Variants in TRABD2B observed in about 807,000 individuals in gnomAD.
TRABD2B encodes the protein TraB domain containing 2B.
Under a neutral mutation model 40.1 loss-of-function variants are expected in TRABD2B, and 14 were observed. The ratio of observed to expected loss-of-function variants is 0.35; its 90% CI spans 0.23 to 0.55. The LOEUF is 0.55. Among genes scored for constraint, TRABD2B ranks in the 20% least tolerant of loss-of-function variants. The pLI is 0.90. For missense variants in TRABD2B, 541 were observed against 648.6 expected (o/e 0.83, Z 1.80); for synonymous variants, 263 against 277.0 (o/e 0.95, Z 0.50).
rs527728279 is a variant in TRABD2B, at chr1:47,765,515, C to T, written c.*387G>A. On this transcript the variant is annotated 3_prime_UTR_variant, in exon 7 of 7. Transcript: ENST00000606738. ...AGCCAAACCCAGACCCAGGAGGCTT[C>T]GGTGATCCAAGAGCAAGCCAGTCCA... 5.3e-5 allele frequency: 10 copies of T among 188,714 alleles called. No individual in the cohort carries two copies. The highest frequency in any genetic ancestry group is 1.0e-4 in the South Asian group (1 of 9,600). The allele number at this position is 188,714 out of a possible 1,614,324, so 11.7% of individuals were successfully genotyped here. A position where few individuals can be genotyped will look rare whatever the true frequency, so the allele number is the denominator to read the frequency against.
chr1:47,947,076 A>G (rs1645269442), intron 2 of TRABD2B, among the ~76,000 whole-genome samples: 1 of 152,138 alleles, frequency 6.6e-6, no homozygotes, highest in African/African-American at 2.4e-5. Flanking sequence ...AGCTTTAAGC[A>G]TTTTAAGGAT....
At chr1:47,982,079 T>C (rs1570411762) in intron 2 of TRABD2B, among the ~76,000 whole-genome samples, 1 of 152,104 alleles carries the variant, frequency 6.6e-6, no homozygotes, top group East Asian at 1.9e-4. Flanking sequence ...ATGAATACAG[T>C]CAGACATTAC....
At chr1:47,873,155 G>C (rs1644169071) in intron 2 of TRABD2B, among the ~76,000 whole-genome samples, 1 of 152,114 alleles carries the variant, frequency 6.6e-6, no homozygotes, top group African/African-American at 2.4e-5. Flanking sequence ...CCTATCGTGA[G>C]GGCAGAGCCC....
chr1:47,816,237 C>T (rs567868706), intron 2 of TRABD2B, among the ~76,000 whole-genome samples: 3 of 152,306 alleles, frequency 2.0e-5, no homozygotes, highest in South Asian at 2.1e-4. Flanking sequence ...CCTGAGCAGC[C>T]CTGACCTGAG....
At chr1:47,954,197 G>A (rs1440575450) in intron 2 of TRABD2B, among the ~76,000 whole-genome samples, 2 of 152,272 alleles carry the variant, frequency 1.3e-5, no homozygotes. Context: ...ATTCCTGGCA[G>A]CTGGAAGTGT....
At chr1:47,943,642 A>C (rs747170002) in intron 2 of TRABD2B, among the ~76,000 whole-genome samples, 2 of 152,148 alleles carry the variant, frequency 1.3e-5, no homozygotes, top group South Asian at 2.1e-4. Context: ...GTGTGCTGGC[A>C]CCACAAGAGG....
At chr1:47,875,698 A>AAAAG (rs1553161018) in intron 2 of TRABD2B, among the ~76,000 whole-genome samples, 1 of 132,234 alleles carries the variant, frequency 7.6e-6, no homozygotes, top group African/African-American at 2.8e-5. Flanking sequence ...AAAAAAAAAA[A>AAAAG]AAGAAGAAGG....
chr1:47,865,685 A>G (rs1170881962), intron 2 of TRABD2B, among the ~76,000 whole-genome samples: 1 of 152,174 alleles, frequency 6.6e-6, no homozygotes, highest in African/African-American at 2.4e-5. Context: ...ACTTTAAAAT[A>G]AAGGGTTTAG....
chr1:47,885,601 C>T (rs1386405974), intron 2 of TRABD2B, among the ~76,000 whole-genome samples: 5 of 152,120 alleles, frequency 3.3e-5, no homozygotes, highest in Non-Finnish European at 7.4e-5. Flanking sequence ...ATGTGCTCTC[C>T]CCCCAAATCT....
chr1:47,804,301 T>C (rs1411270639), intron 2 of TRABD2B, among the ~76,000 whole-genome samples: 1 of 152,200 alleles, frequency 6.6e-6, no homozygotes, highest in African/African-American at 2.4e-5. Context: ...TGGGGATGGA[T>C]CACAGGAGGC....
chr1:47,965,231 GTGGATGGGGA>G (rs1645584578), intron 2 of TRABD2B, among the ~76,000 whole-genome samples: 1 of 76,322 alleles, frequency 1.3e-5, no homozygotes, highest in African/African-American at 5.2e-5. Context: ...GGTGGGGGGG[GTGGATGGGGA>G]GGTGGGGGGA....
At chr1:47,768,336 G>A (rs1012977083) in intron 6 of TRABD2B, among the ~76,000 whole-genome samples, 3 of 151,960 alleles carry the variant, frequency 2.0e-5, no homozygotes, top group Admixed American at 6.6e-5. Flanking sequence ...GAAGTGGGGG[G>A]GGAGGGCCAG....
At chr1:47,953,616 A>G (rs1359994747) in intron 2 of TRABD2B, among the ~76,000 whole-genome samples, 2 of 152,194 alleles carry the variant, frequency 1.3e-5, no homozygotes, top group East Asian at 3.8e-4. Flanking sequence ...TGAGACCTTG[A>G]GCTAGTCACT....
At chr1:47,858,365 C>T (rs566645190) in intron 2 of TRABD2B, among the ~76,000 whole-genome samples, 93 of 152,156 alleles carry the variant, frequency 6.1e-4, no homozygotes, top group African/African-American at 2.1e-3. Flanking sequence ...TCAAGCAATC[C>T]TTCCGCCTCA....
chr1:47,864,789 G>C (rs918835249), intron 2 of TRABD2B, among the ~76,000 whole-genome samples: 56 of 152,148 alleles, frequency 3.7e-4, no homozygotes, highest in Non-Finnish European at 6.6e-4. Flanking sequence ...CCTACTGCCT[G>C]AAAACTAGTC....
At chr1:47,814,586 A>G (rs1009381041) in intron 2 of TRABD2B, among the ~76,000 whole-genome samples, 2 of 152,130 alleles carry the variant, frequency 1.3e-5, no homozygotes, top group Non-Finnish European at 2.9e-5. Flanking sequence ...ATTGCCCATT[A>G]CTGCCCCCGC....
At chr1:47,889,431 T>G (rs958122539) in intron 2 of TRABD2B, among the ~76,000 whole-genome samples, 1 of 152,264 alleles carries the variant, frequency 6.6e-6, no homozygotes, top group Non-Finnish European at 1.5e-5. Flanking sequence ...GGTATGTGGC[T>G]TGTCATGTCA....
At chr1:47,945,673 T>C (rs1645251190) in intron 2 of TRABD2B, among the ~76,000 whole-genome samples, 1 of 152,226 alleles carries the variant, frequency 6.6e-6, no homozygotes, top group Admixed American at 6.5e-5. Context: ...CATTTTTCGG[T>C]CTGACTTCTT....
chr1:47,841,428 C>T (rs781344995), intron 2 of TRABD2B, among the ~76,000 whole-genome samples: 30 of 152,352 alleles, frequency 2.0e-4, no homozygotes, highest in Non-Finnish European at 4.4e-4. Flanking sequence ...CAGGCCAGCG[C>T]CTGAATCCCT....
Sources: gnomAD v4.1 joint callset for allele counts (sites outside exome capture counted in the v4.1 genomes callset) on GRCh38, gnomAD v4.1.1 for gene constraint, MANE v1.5 for transcripts, NCBI Gene and HGNC (gene_info 2026-07-23, HGNC 2026-07-21) for gene names.